Variants in AASDH observed in about 807,000 individuals in gnomAD.
AASDH encodes the protein beta-alanine-activating enzyme.
In AASDH, 81 loss-of-function variants were observed where a neutral mutation model predicts 102.3. The observed-to-expected ratio is 0.79, with a 90% CI of 0.66 to 0.95. The LOEUF is 0.95. Among genes scored for constraint, AASDH ranks in the 40% least tolerant of loss-of-function variants. AASDH has a pLI of 0.00. For missense variants in AASDH, 1,203 were observed against 1,266.2 expected (o/e 0.95, Z 0.76); for synonymous variants, 398 against 454.0 (o/e 0.88, Z 1.57).
intron 5 of AASDH, among the ~76,000 whole-genome samples, chr4:56,369,125 T>C (rs1751394854): frequency 6.6e-6 from 1 of 152,202 alleles, no homozygotes; most frequent in Admixed American, 6.5e-5. Flanking sequence ...TGTCATGTTC[T>C]TGGAAAAGAG....
chr4:56,371,419 T>C (rs1471341143), intron 5 of AASDH, 32 bp downstream of exon 5: 2 of 1,554,140 alleles, frequency 1.3e-6, no homozygotes, highest in Middle Eastern at 1.7e-4. Context: ...TGAAAAATGA[T>C]AAACAAAACG....
intron 14 of AASDH, among the ~76,000 whole-genome samples, 157 bp from the exon 15 acceptor site, chr4:56,338,948 A>ATCAT (rs1004387142): frequency 5.0e-4 from 76 of 152,336 alleles, no homozygotes; most frequent in African/African-American, 1.8e-3. Context: ...AAGTAGCACT[A>ATCAT]TCATACTAGA....
rs752190656 is a variant in AASDH at position 56,370,380 on chromosome 4, C to CAG, written c.861+1069_861+1070dup. 1.3e-4 allele frequency among the ~76,000 whole-genome samples: 19 copies of CAG among 147,174 alleles called. No homozygotes were observed. In the South Asian group the frequency reaches 3.3e-3, roughly 25 times the overall value. ...AAAGAAAGAGAGAGAGAGAGAGGGA[C>CAG]AGAGAGAGAGAGAGAAAGAAAGAAA... is the stretch of plus-strand genomic sequence containing the variant. On this transcript the variant is annotated intron_variant, in intron 5 of 14. Transcript: ENST00000205214.
In AASDH at chr4:56,356,306, T is replaced by C. The variant is rs1183627444; in HGVS notation, c.862-883A>G. 2.8e-5 allele frequency: 37 copies of C among 1,326,548 alleles called. No individual in the cohort carries two copies. In the East Asian group the frequency reaches 7.8e-4, roughly 28 times the overall value. 82.2% of individuals were successfully genotyped at this position (1,326,548 alleles called of 1,614,324 possible). A position where few individuals can be genotyped will look rare whatever the true frequency, so the allele number is the denominator to read the frequency against. ...CCTCACCAGCTTTGTGAAATAGCCC[T>C]GCTCTATCAGGTTGCAGCGGCAGAG... On this transcript the variant is annotated intron_variant, in intron 5 of 14. Coordinates refer to ENST00000205214, the MANE Select transcript of AASDH (RefSeq NM_181806.4).
chr4:56,369,281 A>C (rs1751413056), intron 5 of AASDH, among the ~76,000 whole-genome samples: 1 of 152,236 alleles, frequency 6.6e-6, no homozygotes, highest in Non-Finnish European at 1.5e-5. Flanking sequence ...ACATAGAAGG[A>C]AAGTCTCCTT....
chr4:56,366,837 T>A (rs13128546), intron 5 of AASDH, among the ~76,000 whole-genome samples: 1 of 148,208 alleles, frequency 6.7e-6, no homozygotes, highest in Non-Finnish European at 1.5e-5. Flanking sequence ...CTCTCACCAC[T>A]CCTATTCAAC....
chr4:56,342,335 G>A (rs917549211), intron 14 of AASDH, among the ~76,000 whole-genome samples: 2 of 152,056 alleles, frequency 1.3e-5, no homozygotes, highest in African/African-American at 4.8e-5. Flanking sequence ...AGTACTCAAG[G>A]TGATGGACAC....
At chr4:56,350,135 T>C in intron 10 of AASDH, 77 bp from the exon 11 acceptor site, 1 of 1,196,538 alleles carries the variant, frequency 8.4e-7, no homozygotes, top group South Asian at 1.6e-5. Flanking sequence ...AGGTAATATA[T>C]AGAGATGAGA....
chr4:56,363,459 T>G (rs999696988), intron 5 of AASDH, among the ~76,000 whole-genome samples: 1 of 152,222 alleles, frequency 6.6e-6, no homozygotes, highest in African/African-American at 2.4e-5. Flanking sequence ...GTAGCCTAAC[T>G]GGGAGGCACC....
Position 56,338,368 on chromosome 4 carries a change from TCA to T in AASDH, c.*32_*33del. ...TAATGGTAAAATATTTTCAAATATC[TCA>T]CATTTGTTATACAAATAAGGACTGT... On this transcript the variant is annotated 3_prime_UTR_variant, in exon 15 of 15. Transcript: ENST00000205214. 1 of 1,579,892 alleles carries T rather than the reference TCA, an allele frequency of 6.3e-7. No individual in the cohort carries two copies. Among genetic ancestry groups the T allele is most frequent in the Non-Finnish European group, 8.6e-7 (1 of 1,162,066 alleles).
chr4:56,350,197 G>T, intron 10 of AASDH, 139 bp from the exon 11 acceptor site: 2 of 807,998 alleles, frequency 2.5e-6, no homozygotes, highest in Non-Finnish European at 3.7e-6. Context: ...GCTCACGCCT[G>T]TAATCCCAGT....
intron 3 of AASDH, among the ~76,000 whole-genome samples, chr4:56,381,253 C>A: frequency 6.6e-6 from 1 of 152,144 alleles, no homozygotes; most frequent in East Asian, 1.9e-4. Flanking sequence ...CGGCTACACA[C>A]TAATAAGTAA....
intron 6 of AASDH, 93 bp downstream of exon 6, chr4:56,355,086 AATT>A: frequency 7.2e-7 from 1 of 1,388,966 alleles, no homozygotes; most frequent in Non-Finnish European, 9.7e-7. Context: ...GTGTTTCTAA[AATT>A]ATTACCCCAG....
intron 5 of AASDH, among the ~76,000 whole-genome samples, chr4:56,364,279 G>C (rs964117989): frequency 7.2e-5 from 11 of 152,286 alleles, no homozygotes; most frequent in African/African-American, 2.4e-4. Context: ...ATGGAACCAA[G>C]TTGGAAAACA....
At chr4:56,342,997 T>C (rs762363600) in intron 13 of AASDH, 31 bp from the exon 14 acceptor site, 2 of 1,533,398 alleles carry the variant, frequency 1.3e-6, no homozygotes, top group South Asian at 2.4e-5. Flanking sequence ...TCACAGCATT[T>C]TATGTCATCC....
At chr4:56,366,177 T>C (rs1242770579) in intron 5 of AASDH, among the ~76,000 whole-genome samples, 1 of 152,118 alleles carries the variant, frequency 6.6e-6, no homozygotes, top group African/African-American at 2.4e-5. Flanking sequence ...CAGGAAGAAG[T>C]TGAATCTCTG....
Position 56,382,487 on chromosome 4 carries a change from T to A in AASDH, c.341A>T (p.Lys114Ile). The A allele has an allele frequency of 6.4e-7, 1 of 1,574,436 alleles. No homozygotes were observed. Among genetic ancestry groups the A allele is most frequent in the Non-Finnish European group, 8.7e-7 (1 of 1,149,158 alleles). The change falls in exon 3 of 15, where the codon AAA becomes ATA. Residue 114 changes from lysine (K) to isoleucine (I), a missense_variant. Coordinates refer to ENST00000205214, the MANE Select transcript of AASDH (RefSeq NM_181806.4). ...AACATCCAGACTTACATTAATTTGT[T>A]TTTTTTCAACAAGGATATACTTTAG... ...CNLKYILVEKKQINKFKSFHE... is the reference protein window; with the variant it reads ...CNLKYILVEKIQINKFKSFHE...
intron 1 of AASDH, 46 bp from the exon 2 acceptor site, chr4:56,384,387 C>T (rs1382644972): frequency 7.2e-6 from 8 of 1,113,762 alleles, no homozygotes; most frequent in African/African-American, 1.6e-5. Context: ...TTTTAGAGAG[C>T]TCGGTGGAGG....
chr4:56,358,142 T>C (rs1749836670), intron 5 of AASDH, among the ~76,000 whole-genome samples: 1 of 152,036 alleles, frequency 6.6e-6, no homozygotes, highest in South Asian at 2.1e-4. Flanking sequence ...CATATACATA[T>C]ATATGTACAA....
Sources: allele counts gnomAD v4.1 joint callset (sites outside exome capture counted in the v4.1 genomes callset), GRCh38; gene constraint gnomAD v4.1.1; transcripts MANE v1.5; gene names NCBI Gene and HGNC (gene_info 2026-07-23, HGNC 2026-07-21).